ERAP1: variants seen among roughly 807,000 people sequenced by gnomAD.
The protein encoded by ERAP1 is adipocyte-derived leucine aminopeptidase.
A neutral mutation model predicts 103.7 loss-of-function variants in ERAP1; 86 were observed. That is an observed-to-expected ratio of 0.83 (90% CI 0.70 to 0.99). The LOEUF (loss-of-function observed/expected upper bound fraction) is 0.99, where lower values mean the gene tolerates loss of function less well. Ranked by LOEUF, ERAP1 falls within the 50% of genes least tolerant of loss-of-function variation. ERAP1 has a pLI of 0.00. For synonymous variants in ERAP1, 398 were observed against 402.4 expected (o/e 0.99, Z 0.13); for missense variants, 1,009 against 1,128.4 (o/e 0.89, Z 1.52).
At chr5:96,774,482 A>G, downstream of ERAP1, 5 of 984,768 alleles carry the variant, frequency 5.1e-6, no homozygotes, top group Non-Finnish European at 6.0e-6. Context: ...GCAAATATCC[A>G]CTTAGAGGCA....
At chr5:96,809,874 G>GT (rs939967336), upstream of ERAP1, among the ~76,000 whole-genome samples, 3 of 152,092 alleles carry the variant, frequency 2.0e-5, no homozygotes, top group Admixed American at 1.3e-4. Flanking sequence ...TTCTAGTAAA[G>GT]TTTTTTTGTT....
chr5:96,843,661 T>C, the ERAP1 span, among the ~76,000 whole-genome samples: 1 of 152,188 alleles, frequency 6.6e-6, no homozygotes, highest in Non-Finnish European at 1.5e-5. Context: ...CATTAACATA[T>C]GTCCCTGAGT....
At chr5:96,796,288 T>C (rs1321235130) in intron 4 of ERAP1, among the ~76,000 whole-genome samples, 2 of 152,236 alleles carry the variant, frequency 1.3e-5, no homozygotes, top group African/African-American at 4.8e-5. Flanking sequence ...CCTGTTTGCA[T>C]TCTGAGCTAC....
At chr5:96,844,074 T>C in the ERAP1 span, among the ~76,000 whole-genome samples, 27 of 152,214 alleles carry the variant, frequency 1.8e-4, no homozygotes, top group Admixed American at 5.9e-4. Context: ...TCTCCTTGCT[T>C]GGCGCCCTAC....
the ERAP1 span, among the ~76,000 whole-genome samples, chr5:96,928,541 C>T: frequency 4.6e-5 from 7 of 152,074 alleles, no homozygotes; most frequent in Admixed American, 2.0e-4. Context: ...AGGAGATAGG[C>T]CTAGAACAGA....
At chr5:96,842,400 AC>A in the ERAP1 span, among the ~76,000 whole-genome samples, 2 of 152,214 alleles carry the variant, frequency 1.3e-5, no homozygotes, top group African/African-American at 4.8e-5. Flanking sequence ...TTACTTTCAC[AC>A]CAGCAGTGTA....
At chr5:96,865,474 T>C in the ERAP1 span, among the ~76,000 whole-genome samples, 3 of 152,296 alleles carry the variant, frequency 2.0e-5, no homozygotes, top group East Asian at 5.8e-4. Flanking sequence ...ATTAGCAAGC[T>C]ACAGAAATGA....
At chr5:96,865,376 C>T in the ERAP1 span, among the ~76,000 whole-genome samples, 4 of 152,086 alleles carry the variant, frequency 2.6e-5, no homozygotes, top group Non-Finnish European at 5.9e-5. Context: ...GCTCCTGTTC[C>T]AATTGTAAAT....
the ERAP1 span, among the ~76,000 whole-genome samples, chr5:96,846,712 C>A: frequency 1.3e-5 from 2 of 151,544 alleles, no homozygotes; most frequent in African/African-American, 4.9e-5. Context: ...TCTTTCCCAA[C>A]CCCCCTCCCA....
At chr5:96,879,839 G>A in the ERAP1 span, 3 of 1,614,078 alleles carry the variant, frequency 1.9e-6, no homozygotes, top group South Asian at 2.2e-5. Context: ...GGATCCTGGG[G>A]CTTTCCCAGT....
In ERAP1 at chr5:96,765,914, C is replaced by A. The variant is rs980561761; in HGVS notation, c.2819-2686G>T. ...GTCTGTTGAAGTCATCTGTGTTGTTCTGTTGCTTAAAAAATAAAAACAGAC... is the reference window on the plus strand; with the variant it reads ...GTCTGTTGAAGTCATCTGTGTTGTTATGTTGCTTAAAAAATAAAAACAGAC... On this transcript the variant is annotated intron_variant, in intron 19 of 19. Transcript: ENST00000296754. 3 of 581,462 alleles carry A rather than the reference C, an allele frequency of 5.2e-6. No homozygotes were observed. In the African/African-American group the frequency reaches 5.7e-5, roughly 11 times the overall value. The allele number at this position is 581,462 out of a possible 1,614,324, so 36.0% of individuals were successfully genotyped here.
chr5:96,837,448 C>T, the ERAP1 span, among the ~76,000 whole-genome samples: 1 of 152,174 alleles, frequency 6.6e-6, no homozygotes, highest in Admixed American at 6.5e-5. Flanking sequence ...GGCGCTGGAC[C>T]CAGGCAGGAG....
the ERAP1 span, among the ~76,000 whole-genome samples, chr5:96,898,865 A>T: frequency 6.6e-6 from 1 of 152,130 alleles, no homozygotes; most frequent in Non-Finnish European, 1.5e-5. Flanking sequence ...TCTCAGCACC[A>T]AGTATTGTGT....
the ERAP1 span, chr5:96,884,067 T>TATCC: frequency 1.5e-6 from 1 of 657,780 alleles, no homozygotes; most frequent in African/African-American, 2.0e-5. Context: ...TCTATCTATC[T>TATCC]ATCTATCTAT....
the ERAP1 span, among the ~76,000 whole-genome samples, chr5:96,898,697 C>T: frequency 6.6e-6 from 1 of 152,024 alleles, no homozygotes; most frequent in Non-Finnish European, 1.5e-5. Flanking sequence ...TGAGATCACA[C>T]CACTGGACTC....
intron 1 of ERAP1, chr5:96,805,998 G>A (rs1198450084): frequency 6.6e-6 from 1 of 152,302 alleles, no homozygotes; most frequent in African/African-American, 2.4e-5. Flanking sequence ...GGGGTCCAAA[G>A]AGAAACAGTT....
At chr5:96,773,027 G>C (rs779039274), downstream of ERAP1, 5 of 153,722 alleles carry the variant, frequency 3.3e-5, no homozygotes, top group Non-Finnish European at 7.4e-5. Flanking sequence ...TTTTTTGTTA[G>C]TGTTTAGAAA....
intron 17 of ERAP1, among the ~76,000 whole-genome samples, chr5:96,780,815 GAT>G: frequency 6.6e-6 from 1 of 152,344 alleles, no homozygotes; most frequent in Non-Finnish European, 1.5e-5. Context: ...GAAGGCTTCA[GAT>G]ATGTCCATGG....
the ERAP1 span, chr5:96,912,557 T>C: frequency 9.9e-7 from 1 of 1,006,374 alleles, no homozygotes; most frequent in Non-Finnish European, 1.5e-6. Context: ...GATTATTGTG[T>C]TATAGGACTT....
Sources: gnomAD v4.1 joint callset for allele counts (sites outside exome capture counted in the v4.1 genomes callset) on GRCh38, gnomAD v4.1.1 for gene constraint, MANE v1.5 for transcripts, NCBI Gene and HGNC (gene_info 2026-07-23, HGNC 2026-07-21) for gene names.